The following DGLUCY variants were observed in gnomAD, a reference collection of about 807,000 sequenced individuals.
DGLUCY encodes D-glutamate cyclase.
DGLUCY carries 58 observed loss-of-function variants against 58.5 expected under a neutral mutation model. That is an observed-to-expected ratio of 0.99 (90% CI 0.80 to 1.23). The LOEUF (loss-of-function observed/expected upper bound fraction) is 1.23. Ranked by LOEUF, DGLUCY falls within the 50% of genes most tolerant of loss-of-function variation. The pLI is 0.00. For synonymous variants in DGLUCY, 325 were observed against 314.1 expected (o/e 1.03, Z -0.37); for missense variants, 779 against 784.7 (o/e 0.99, Z 0.09).
At chr14:91,068,108 C>CACACACACACAT (rs2043857290) in intron 1 of DGLUCY, among the ~76,000 whole-genome samples, 1 of 152,008 alleles carries the variant, frequency 6.6e-6, no homozygotes, top group Non-Finnish European at 1.5e-5. Flanking sequence ...CACACACACA[C>CACACACACACAT]ACACACACCC....
At chr14:91,071,578 A>G (rs574549043) in intron 1 of DGLUCY, among the ~76,000 whole-genome samples, 1 of 152,256 alleles carries the variant, frequency 6.6e-6, no homozygotes, top group South Asian at 2.1e-4. Flanking sequence ...TGGTTAAAGA[A>G]CAAAATGTAG....
chr14:91,083,243 C>T (rs1217760821), intron 1 of DGLUCY, among the ~76,000 whole-genome samples: 1 of 152,078 alleles, frequency 6.6e-6, no homozygotes, highest in Non-Finnish European at 1.5e-5. Flanking sequence ...GAGAGAAGGC[C>T]GGGCGCAGTG....
intron 1 of DGLUCY, among the ~76,000 whole-genome samples, chr14:91,135,025 A>G (rs2046246489): frequency 6.6e-6 from 1 of 151,828 alleles, no homozygotes. Flanking sequence ...CCCAGGCTCA[A>G]GCAATCCTCC....
upstream of DGLUCY, among the ~76,000 whole-genome samples, chr14:91,111,350 G>A (rs1354022284): frequency 2.0e-5 from 3 of 150,950 alleles, no homozygotes; most frequent in African/African-American, 4.9e-5. Context: ...GCACCATCTC[G>A]GCTCACTGCA....
upstream of DGLUCY, among the ~76,000 whole-genome samples, chr14:91,107,237 C>T (rs960862677): frequency 2.6e-5 from 4 of 152,018 alleles, no homozygotes; most frequent in Admixed American, 2.0e-4. Context: ...CCCTTCATTT[C>T]GCTAGGTGTG....
chr14:91,192,075 A>G (rs979579966), intron 9 of DGLUCY, among the ~76,000 whole-genome samples: 1 of 152,218 alleles, frequency 6.6e-6, no homozygotes, highest in African/African-American at 2.4e-5. Context: ...CCTAATGCTC[A>G]TAGCACTTTA....
intron 1 of DGLUCY, among the ~76,000 whole-genome samples, chr14:91,061,649 C>G (rs1257616829): frequency 2.0e-5 from 3 of 152,152 alleles, no homozygotes; most frequent in Admixed American, 1.3e-4. Flanking sequence ...AATAGACATT[C>G]CACACAGAGA....
At chr14:91,212,364 G>C (rs1361494616) in intron 12 of DGLUCY, among the ~76,000 whole-genome samples, 1 of 151,946 alleles carries the variant, frequency 6.6e-6, no homozygotes, top group African/African-American at 2.4e-5. Context: ...TAAAATATTA[G>C]CTGGGCTTAG....
intron 1 of DGLUCY, among the ~76,000 whole-genome samples, chr14:91,124,624 TG>T (rs2045569859): frequency 6.6e-6 from 1 of 152,142 alleles, no homozygotes; most frequent in African/African-American, 2.4e-5. Flanking sequence ...TCTGATTCTG[TG>T]GTTAATCAGA....
intron 1 of DGLUCY, among the ~76,000 whole-genome samples, chr14:91,142,589 G>A (rs1288027805): frequency 6.6e-6 from 1 of 152,050 alleles, no homozygotes; most frequent in Non-Finnish European, 1.5e-5. Context: ...AAATGAATTT[G>A]CCTGAAGAGG....
At chr14:91,219,405 G>A (rs1595957320) in intron 13 of DGLUCY, among the ~76,000 whole-genome samples, 1 of 152,218 alleles carries the variant, frequency 6.6e-6, no homozygotes, top group South Asian at 2.1e-4. Context: ...GCCGTACAGT[G>A]TGCAGAGGAA....
intron 1 of DGLUCY, among the ~76,000 whole-genome samples, chr14:91,086,211 T>TTG (rs1472435985): frequency 2.0e-5 from 3 of 152,218 alleles, no homozygotes; most frequent in African/African-American, 7.2e-5. Context: ...CTCCCACTGA[T>TTG]TCTATATTAT....
intron 3 of DGLUCY, among the ~76,000 whole-genome samples, chr14:91,163,149 A>C (rs2048086959): frequency 6.6e-6 from 1 of 151,588 alleles, no homozygotes; most frequent in Non-Finnish European, 1.5e-5. Flanking sequence ...AATCCCAGCT[A>C]CTCGGGAGGC....
intron 1 of DGLUCY, among the ~76,000 whole-genome samples, chr14:91,140,993 A>G (rs1439381745): frequency 6.6e-6 from 1 of 152,108 alleles, no homozygotes; most frequent in East Asian, 1.9e-4. Flanking sequence ...CAAAATTTCT[A>G]CCAGTGGATA....
At chr14:91,127,636 A>G (rs545909313) in intron 1 of DGLUCY, among the ~76,000 whole-genome samples, 1 of 152,344 alleles carries the variant, frequency 6.6e-6, no homozygotes, top group East Asian at 1.9e-4. Context: ...AGCCAGGGGA[A>G]ACTGCTTCTT....
chr14:91,141,359 C>T (rs113001096), intron 1 of DGLUCY, among the ~76,000 whole-genome samples: 19,738 of 148,676 alleles, frequency 0.13, 1,673 homozygotes, highest in Non-Finnish European at 0.2. Context: ...GGTGACAAAG[C>T]GAGACGCCAT....
At chr14:91,075,762 A>C (rs985139925) in intron 1 of DGLUCY, among the ~76,000 whole-genome samples, 2 of 152,070 alleles carry the variant, frequency 1.3e-5, no homozygotes, top group Non-Finnish European at 2.9e-5. Context: ...TCATTTCCTT[A>C]TTTATTCAGC....
chr14:91,160,505 A>G, intron 3 of DGLUCY, 108 bp downstream of exon 3: 2 of 761,446 alleles, frequency 2.6e-6, no homozygotes, highest in Non-Finnish European at 2.1e-6. Flanking sequence ...TAGATTCTGC[A>G]TAGGAAACAG....
rs138634133 is a variant in DGLUCY, at chr14:91,221,388, G to T, written c.1717-3296G>T. On this transcript the variant is annotated intron_variant, in intron 13 of 13. Coordinates refer to ENST00000256324, the MANE Select transcript of DGLUCY (RefSeq NM_001102368.3). ...TGATGGATGCATGGATGGATGGATAGATGGATGGGTGGATGGAGGGATGGA... is the reference window on the plus strand; with the variant it reads ...TGATGGATGCATGGATGGATGGATATATGGATGGGTGGATGGAGGGATGGA... Among the ~76,000 whole-genome samples the T allele has an allele frequency of 9.4e-3, 1,429 of 152,316 alleles. 14 individuals are homozygous for T. Among genetic ancestry groups the T allele is most frequent in the Middle Eastern group, 0.031 (9 of 294 alleles).
Sources: allele counts gnomAD v4.1 joint callset (sites outside exome capture counted in the v4.1 genomes callset), GRCh38; gene constraint gnomAD v4.1.1; transcripts MANE v1.5; gene names NCBI Gene and HGNC (gene_info 2026-07-23, HGNC 2026-07-21).